Variants in PDE4D observed in about 807,000 individuals in gnomAD.
The protein encoded by PDE4D is 3',5'-cyclic-AMP phosphodiesterase 4D.
PDE4D carries 24 observed loss-of-function variants against 87.4 expected under a neutral mutation model. The observed-to-expected ratio is 0.27, with a 90% CI of 0.20 to 0.39. PDE4D has a LOEUF of 0.39. Among genes scored for constraint, PDE4D ranks in the 10% least tolerant of loss-of-function variants. The pLI, the probability that PDE4D is intolerant of heterozygous loss-of-function variation, is 1.00. For synonymous variants in PDE4D, 384 were observed against 383.2 expected (o/e 1.00, Z -0.02); for missense variants, 714 against 1,041.0 (o/e 0.69, Z 4.32).
intron 1 of PDE4D, among the ~76,000 whole-genome samples, chr5:59,588,684 A>C (rs183771748): frequency 1.3e-4 from 20 of 152,298 alleles, no homozygotes; most frequent in Non-Finnish European, 2.5e-4. Flanking sequence ...AGATGATCCT[A>C]AAAGGAGGAT....
At chr5:60,223,360 C>A (rs979426694) in intron 1 of PDE4D, among the ~76,000 whole-genome samples, 3 of 151,972 alleles carry the variant, frequency 2.0e-5, no homozygotes, top group African/African-American at 7.3e-5. Context: ...TCAATGGTAA[C>A]CAGGAAGCCA....
intron 1 of PDE4D, among the ~76,000 whole-genome samples, chr5:59,738,692 T>C (rs1758426702): frequency 6.6e-6 from 1 of 151,788 alleles, no homozygotes; most frequent in Non-Finnish European, 1.5e-5. Flanking sequence ...CTGAAATATT[T>C]AATATTTTAA....
intron 5 of PDE4D, among the ~76,000 whole-genome samples, chr5:59,073,494 A>C (rs1765177796): frequency 1.3e-5 from 1 of 78,086 alleles, no homozygotes; most frequent in East Asian, 3.3e-4. Context: ...GATACAGAAA[A>C]TAAAGTGGGG....
chr5:59,122,312 G>C (rs1774680416), intron 5 of PDE4D, among the ~76,000 whole-genome samples: 1 of 152,106 alleles, frequency 6.6e-6, no homozygotes, highest in Non-Finnish European at 1.5e-5. Flanking sequence ...GGCACAGAAA[G>C]ATAAATATCA....
chr5:60,239,615 A>T (rs1746847220), intron 1 of PDE4D, among the ~76,000 whole-genome samples: 1 of 152,102 alleles, frequency 6.6e-6, no homozygotes, highest in South Asian at 2.1e-4. Flanking sequence ...TTACCTTAAA[A>T]TTTTGTAATT....
chr5:59,124,390 T>C (rs1001876425), intron 5 of PDE4D, among the ~76,000 whole-genome samples: 3 of 152,206 alleles, frequency 2.0e-5, no homozygotes, highest in Non-Finnish European at 4.4e-5. Context: ...CCATATTCTC[T>C]TGCTCCTCCA....
At chr5:59,528,915 C>T (rs750940975) in intron 1 of PDE4D, 21 of 390,986 alleles carry the variant, frequency 5.4e-5, no homozygotes, top group Non-Finnish European at 9.7e-5. Context: ...CCTTGACCCT[C>T]GACTCAGCCA....
At chr5:60,025,594 T>C (rs1479608118) in intron 2 of PDE4D, among the ~76,000 whole-genome samples, 1 of 152,150 alleles carries the variant, frequency 6.6e-6, no homozygotes, top group Non-Finnish European at 1.5e-5. Flanking sequence ...TTTATTATTT[T>C]AGGTAAAATT....
intron 1 of PDE4D, among the ~76,000 whole-genome samples, chr5:59,676,476 A>G (rs1748100792): frequency 6.6e-6 from 1 of 152,174 alleles, no homozygotes; most frequent in Non-Finnish European, 1.5e-5. Context: ...TACAGATTAA[A>G]CCAAAGGGAC....
At chr5:59,653,291 G>C (rs950570813) in intron 1 of PDE4D, among the ~76,000 whole-genome samples, 6 of 146,114 alleles carry the variant, frequency 4.1e-5, no homozygotes, top group Non-Finnish European at 8.9e-5. Context: ...ACTGCAAGCT[G>C]CACCTCCCAG....
chr5:59,067,935 T>C (rs1010458272), intron 5 of PDE4D, among the ~76,000 whole-genome samples: 2 of 152,302 alleles, frequency 1.3e-5, no homozygotes, highest in South Asian at 4.1e-4. Flanking sequence ...TTGCATATAT[T>C]AAAAGGTACT....
At chr5:59,651,748 G>T (rs2150241835) in intron 1 of PDE4D, among the ~76,000 whole-genome samples, 1 of 151,882 alleles carries the variant, frequency 6.6e-6, no homozygotes, top group East Asian at 1.9e-4. Context: ...GAGACAGAAA[G>T]AAAGAAAAAA....
chr5:59,709,289 C>T (rs1187816608), intron 1 of PDE4D, among the ~76,000 whole-genome samples: 3 of 152,100 alleles, frequency 2.0e-5, no homozygotes, highest in Non-Finnish European at 4.4e-5. Context: ...AAAATCTAAA[C>T]TCTCCAAAAG....
At chr5:59,074,212 T>C (rs1213540368) in intron 5 of PDE4D, among the ~76,000 whole-genome samples, 1 of 152,184 alleles carries the variant, frequency 6.6e-6, no homozygotes, top group Non-Finnish European at 1.5e-5. Flanking sequence ...AGACTTTCTG[T>C]TTTGAAAAAT....
intron 1 of PDE4D, among the ~76,000 whole-genome samples, chr5:59,876,524 A>G (rs1748631754): frequency 6.6e-6 from 1 of 152,126 alleles, no homozygotes; most frequent in African/African-American, 2.4e-5. Context: ...AACCTAGCCT[A>G]ATAATATCAA....
intron 1 of PDE4D, among the ~76,000 whole-genome samples, chr5:59,788,931 TA>T (rs1765476093): frequency 6.6e-6 from 1 of 152,098 alleles, no homozygotes; most frequent in African/African-American, 2.4e-5. Context: ...GAAAATAAAG[TA>T]AAAAATACTC....
rs542172622 is a variant in PDE4D, at chr5:60,264,140, T to C, written c.-89-78453A>G. ...GACTTAGATTGGAGGAATGGGCAAA[T>C]ATATGAAAACAAAGCTTTAGAAGTG... On this transcript the variant is annotated intron_variant, in intron 1 of 16. Transcript: ENST00000502484. Among the ~76,000 whole-genome samples, 3 of 152,154 alleles carry C rather than the reference T, an allele frequency of 2.0e-5. No homozygotes were observed. In the South Asian group the frequency reaches 6.2e-4, roughly 32 times the overall value.
intron 1 of PDE4D, among the ~76,000 whole-genome samples, chr5:60,270,133 C>T (rs1414580497): frequency 1.3e-5 from 2 of 152,130 alleles, no homozygotes; most frequent in African/African-American, 4.8e-5. Flanking sequence ...ATGAGTATAC[C>T]ATGAACCAAG....
At chr5:59,050,483 A>T (rs918504906) in intron 5 of PDE4D, among the ~76,000 whole-genome samples, 2 of 152,226 alleles carry the variant, frequency 1.3e-5, no homozygotes, top group African/African-American at 4.8e-5. Flanking sequence ...TATAGAGAAC[A>T]AATTTCAGAA....
Sources: gnomAD v4.1 joint callset for allele counts (sites outside exome capture counted in the v4.1 genomes callset) on GRCh38, gnomAD v4.1.1 for gene constraint, MANE v1.5 for transcripts, NCBI Gene and HGNC (gene_info 2026-07-23, HGNC 2026-07-21) for gene names.